TTI2: variants seen among roughly 807,000 people sequenced by gnomAD.
TTI2 encodes the protein TELO2 interacting protein 2, also known as TELO2-interacting protein 2.
TTI2 carries 26 observed loss-of-function variants against 44.9 expected under a neutral mutation model. The observed-to-expected ratio is 0.58, with a 90% CI of 0.42 to 0.80. The LOEUF is 0.80. TTI2 is among the 30% of genes least tolerant of loss of function. The pLI, the probability that TTI2 is intolerant of heterozygous loss-of-function variation, is 0.00. For synonymous variants in TTI2, 254 were observed against 250.9 expected, an observed-to-expected ratio of 1.01 and a Z score of -0.12; for missense variants, 582 against 611.6, an observed-to-expected ratio of 0.95 and a Z score of 0.51.
At chr8:33,510,209 G>A (rs1158851307) in intron 2 of TTI2, among the ~76,000 whole-genome samples, 1 of 152,126 alleles carries the variant, frequency 6.6e-6, no homozygotes, top group African/African-American at 2.4e-5. Flanking sequence ...AGGACTTATG[G>A]TGATGGATGG....
rs192388660 is a variant in TTI2, at chr8:33,509,363, G to A, written c.834+383C>T. On this transcript the variant is annotated intron_variant, in intron 3 of 7. Transcript: ENST00000431156. ...TCCCAGCTACTCGGGAGGCAGAGGC[G>A]GAGAATTGCTTAAACCTAAGAGGTG... Among the ~76,000 whole-genome samples, 36 of 149,976 alleles carry A rather than the reference G, an allele frequency of 2.4e-4. 1 individual carries two copies. The East Asian group carries it at 4.1e-3, about 17-fold the overall frequency.
At chr8:33,504,070 A>G in intron 4 of TTI2, 135 bp from the exon 5 acceptor site, 2 of 873,998 alleles carry the variant, frequency 2.3e-6, no homozygotes, top group South Asian at 1.4e-5. Context: ...TAGTAATCAT[A>G]TATGAACTGC....
Position 33,499,237 on chromosome 8 carries a change from T to C in TTI2, c.1463A>G (p.Lys488Arg). ...AKIPQSCEDRKVVNYIRKVQQ... is the reference protein window; with the variant it reads ...AKIPQSCEDRRVVNYIRKVQQ... ...CACTTTTCTGATATAGTTCACCACTTTTCTGTCTTCACAGCTTTGGGGAAT... is the reference window on the plus strand; with the variant it reads ...CACTTTTCTGATATAGTTCACCACTCTTCTGTCTTCACAGCTTTGGGGAAT... Residue 488 changes from lysine to arginine, a missense_variant, in exon 8 of 8, where the codon AAA becomes AGA. By Grantham distance (26) the Lys-to-Arg change is conservative. Coordinates refer to ENST00000431156, the MANE Select transcript of TTI2 (RefSeq NM_001102401.4). 6.2e-7 allele frequency: 1 copy of C among 1,614,126 alleles called. No homozygotes were observed. Among genetic ancestry groups the C allele is most frequent in the Non-Finnish European group, 8.5e-7 (1 of 1,180,004 alleles).
intron 3 of TTI2, 30 bp downstream of exon 3, chr8:33,509,715 CA>C (rs1376160927): frequency 3.1e-5 from 50 of 1,605,558 alleles, no homozygotes; most frequent in Non-Finnish European, 4.2e-5. Context: ...TCTGTCCTGT[CA>C]ACACAGATGA....
Position 33,504,036 on chromosome 8 carries a change from C to T in TTI2, c.928-101G>A, listed in dbSNP as rs1809206111. ...TTCATTAATCTACCGTCCTTAGGGT[C>T]CATACCAGAGAATTCTAAGATACTA... On this transcript the variant is annotated intron_variant, in intron 4 of 7. Coordinates refer to ENST00000431156, the MANE Select transcript of TTI2 (RefSeq NM_001102401.4). The T allele has an allele frequency of 1.1e-5, 14 of 1,249,134 alleles. No individual in the cohort carries two copies. In the South Asian group the frequency reaches 1.5e-4, roughly 14 times the overall value. 77.4% of individuals were successfully genotyped at this position (1,249,134 alleles called of 1,614,324 possible). A position where few individuals can be genotyped will look rare whatever the true frequency, so the allele number is the denominator to read the frequency against.
rs767996468 is a variant in TTI2, at chr8:33,499,213, A to G, written c.1487T>C (p.Val496Ala). The change falls in exon 8 of 8, where the codon GTG (valine) becomes GCG (alanine). Residue 496 changes from valine to alanine, a missense_variant. Val to Ala is a moderately conservative substitution (Grantham distance 64). Transcript: ENST00000431156. ...GGGTGCGCCTTCAGAAACCTGCTGCACTTTTCTGATATAGTTCACCACTTT... is the reference window on the plus strand; with the variant it reads ...GGGTGCGCCTTCAGAAACCTGCTGCGCTTTTCTGATATAGTTCACCACTTT... ...DRKVVNYIRK[V>A]QQVSEGAPYN... is the part of the protein sequence containing the mutation. 6.2e-7 allele frequency: 1 copy of G among 1,614,112 alleles called. No individual in the cohort carries two copies.
chr8:33,503,395 T>A, intron 6 of TTI2, 34 bp downstream of exon 6: 1 of 1,613,928 alleles, frequency 6.2e-7, no homozygotes, highest in Non-Finnish European at 8.5e-7. Flanking sequence ...CAAGAGAAAA[T>A]CGGCTGAGTT....
At chr8:33,500,217 C>G in intron 7 of TTI2, 111 bp downstream of exon 7, 1 of 1,278,748 alleles carries the variant, frequency 7.8e-7, no homozygotes, top group East Asian at 2.4e-5. Context: ...TAAAACCCTC[C>G]ATGTTCATTT....
At position 33,498,838 on chromosome 8, in the gene TTI2, G is replaced by A. The variant is rs560859411; in HGVS notation, c.*335C>T. ...AGTTGTGAACAAGAGTGTTTTTATA[G>A]CATATGTGTTGAAGTAACAGCTTGT... On this transcript the variant is annotated 3_prime_UTR_variant, in exon 8 of 8. Transcript: ENST00000431156. 7.6e-5 allele frequency: 46 copies of A among 603,998 alleles called. 1 individual carries two copies. The highest frequency in any genetic ancestry group is 5.1e-4 in the South Asian group (24 of 47,428). 37.4% of individuals were successfully genotyped at this position (603,998 alleles called of 1,614,324 possible).
In TTI2 at chr8:33,503,457, T is replaced by A; in HGVS notation, c.1231A>T (p.Lys411Ter). Residue 411 changes from lysine (K) to a stop codon, truncating the protein, a stop_gained, in exon 6 of 8, where the codon AAA (lysine) becomes TAA (stop). Transcript: ENST00000431156. LOFTEE classifies it high-confidence loss of function. ...EARLKILETL[K>*]LLMQHTWPRV... ...GGCCAAGTATGTTGCATGAGAAGTT[T>A]TAGGGTTTCCAATATCTTCAGTCTA... The A allele has an allele frequency of 1.2e-6, 2 of 1,614,154 alleles. No individual in the cohort carries two copies. Among genetic ancestry groups the A allele is most frequent in the Non-Finnish European group, 1.7e-6 (2 of 1,180,038 alleles).
intron 6 of TTI2, chr8:33,500,701 G>T (rs1279142616): frequency 3.7e-6 from 2 of 537,794 alleles, no homozygotes; most frequent in East Asian, 3.4e-5. Flanking sequence ...TATACACACA[G>T]ACACACCCTC....
intron 6 of TTI2, among the ~76,000 whole-genome samples, chr8:33,503,042 T>G (rs1322211011): frequency 6.8e-6 from 1 of 146,744 alleles, no homozygotes; most frequent in Non-Finnish European, 1.5e-5. Flanking sequence ...GGTAGGAGAA[T>G]CACTTGAACC....
chr8:33,499,063 CT>C lies in TTI2; in HGVS notation c.*109del. ...AGGAAAGGAAGGAAGGAAAAAGCAG[CT>C]TTCACTTACAAAGTTTCGTGTAAAA... On this transcript the variant is annotated 3_prime_UTR_variant, in exon 8 of 8. Transcript: ENST00000431156. 1 of 914,450 alleles carries C rather than the reference CT, an allele frequency of 1.1e-6. No individual in the cohort carries two copies. The highest frequency in any genetic ancestry group is 1.8e-6 in the Non-Finnish European group (1 of 571,042). The allele number at this position is 914,450 out of a possible 1,614,324, so 56.6% of individuals were successfully genotyped here.
In TTI2 at chr8:33,507,240, G is replaced by A. The variant is rs1392974497; in HGVS notation, c.916C>T (p.His306Tyr). Reference protein sequence around the residue: ...ISNHLYTPEHHLIQAVLLCLL... With the variant: ...ISNHLYTPEHYLIQAVLLCLL... Reference sequence around the variant, plus strand: ...AATCATACTATTACCTGAATGAGGTGGTGCTCTGGTGTGTACAGGTGGTTG... The same window carrying A: ...AATCATACTATTACCTGAATGAGGTAGTGCTCTGGTGTGTACAGGTGGTTG... The change falls in exon 4 of 8, where the codon CAC (histidine) becomes TAC (tyrosine). Residue 306 changes from histidine (H) to tyrosine (Y), a missense_variant. His to Tyr is a moderately conservative substitution (Grantham distance 83, BLOSUM62 2). Transcript: ENST00000431156. 1.9e-6 allele frequency: 3 copies of A among 1,613,794 alleles called. No individual in the cohort carries two copies. The African/African-American group carries it at 4.0e-5, about 22-fold the overall frequency.
At chr8:33,500,887 T>C (rs1809052306) in intron 6 of TTI2, 1 of 163,890 alleles carries the variant, frequency 6.1e-6, no homozygotes, top group Non-Finnish European at 1.3e-5. Context: ...TTTAATGCCA[T>C]CTTAGGCCTG....
Position 33,512,502 on chromosome 8 carries a change from C to G in TTI2, c.112G>C (p.Ala38Pro). The G allele has an allele frequency of 6.2e-7, 1 of 1,614,112 alleles. No individual in the cohort carries two copies. The highest frequency in any genetic ancestry group is 1.1e-5 in the South Asian group (1 of 91,086). ...QAFSKILHCL[A>P]RPEARRGNVK... ...TTGCCTCGTCGTGCCTCCGGGCGGGCAAGACAGTGTAAAATCTTGGAGAAG... is the reference window on the plus strand; with the variant it reads ...TTGCCTCGTCGTGCCTCCGGGCGGGGAAGACAGTGTAAAATCTTGGAGAAG... The change falls in exon 2 of 8, where the codon GCC (alanine) becomes CCC (proline). Residue 38 changes from alanine (A) to proline (P), a missense_variant. By Grantham distance (27) the Ala-to-Pro change is conservative (BLOSUM62 -1). Coordinates refer to ENST00000431156, the MANE Select transcript of TTI2 (RefSeq NM_001102401.4).
chr8:33,505,415 C>T lies in TTI2; in HGVS notation c.928-1480G>A, dbSNP rs554524623. 2.0e-3 allele frequency among the ~76,000 whole-genome samples: 312 copies of T among 152,216 alleles called. 1 individual carries two copies. Among genetic ancestry groups the T allele is most frequent in the African/African-American group, 7.3e-3 (302 of 41,522 alleles). On this transcript the variant is annotated intron_variant, in intron 4 of 7. Transcript: ENST00000431156. ...TCATCCTTCATAAAGCTAAGTATCA[C>T]CTCCTTCCCAAAACCTCCTAAAGTC... is the stretch of plus-strand genomic sequence containing the variant.
intron 3 of TTI2, among the ~76,000 whole-genome samples, chr8:33,509,431 G>A (rs1186372548): frequency 3.6e-5 from 5 of 137,920 alleles, no homozygotes; most frequent in African/African-American, 5.5e-5. Context: ...ACTCTAGCCT[G>A]GGTGATAGAG....
In TTI2 at chr8:33,512,122, G is replaced by T; in HGVS notation, c.492C>A (p.Thr164=). 1 of 1,614,112 alleles carries T rather than the reference G, an allele frequency of 6.2e-7. No homozygotes were observed. Among genetic ancestry groups the T allele is most frequent in the Non-Finnish European group, 8.5e-7 (1 of 1,180,004 alleles). Reference sequence around the variant, plus strand: ...TAGCAACTTCCCGAGATCTCGGAGTGGTCCATGGTTGCTCCAAGCTGTGTG... The same window carrying T: ...TAGCAACTTCCCGAGATCTCGGAGTTGTCCATGGTTGCTCCAAGCTGTGTG... The part of the protein sequence containing the change: ...AITHSLEQPW[T]TPRSREVARE... Residue 164 remains threonine, a synonymous_variant, in exon 2 of 8, where the codon ACC becomes ACA. Transcript: ENST00000431156.
Sources: gnomAD v4.1 joint callset for allele counts (sites outside exome capture counted in the v4.1 genomes callset) on GRCh38, gnomAD v4.1.1 for gene constraint, MANE v1.5 for transcripts, NCBI Gene and HGNC (gene_info 2026-07-23, HGNC 2026-07-21) for gene names.